PPM1H: variants seen among roughly 807,000 people sequenced by gnomAD.
The protein encoded by PPM1H is protein phosphatase, Mg2+/Mn2+ dependent 1H.
PPM1H carries 27 observed loss-of-function variants against 54.9 expected under a neutral mutation model. The observed-to-expected ratio is 0.49, with a 90% CI of 0.36 to 0.68. PPM1H has a LOEUF of 0.68. Ranked by LOEUF, PPM1H falls within the 30% of genes least tolerant of loss-of-function variation. The probability of loss-of-function intolerance (pLI) is 0.00; values close to 1 mark genes in which losing one functional copy is unlikely to be tolerated. For synonymous variants in PPM1H, 305 were observed against 270.8 expected (o/e 1.13, Z -1.24); for missense variants, 596 against 667.8 (o/e 0.89, Z 1.19).
intron 6 of PPM1H, among the ~76,000 whole-genome samples, chr12:62,694,624 G>A (rs2076103636): frequency 1.3e-5 from 2 of 152,320 alleles, no homozygotes; most frequent in East Asian, 3.9e-4. Context: ...AGGCGGGTAA[G>A]ATGAAAGGGA....
chr12:62,790,910 G>C (rs1416990922), intron 3 of PPM1H, among the ~76,000 whole-genome samples: 1 of 152,166 alleles, frequency 6.6e-6, no homozygotes, highest in Non-Finnish European at 1.5e-5. Flanking sequence ...AAATTAGCTG[G>C]CATGTGTGAG....
At chr12:62,673,625 T>C (rs2075968685) in intron 8 of PPM1H, among the ~76,000 whole-genome samples, 1 of 151,692 alleles carries the variant, frequency 6.6e-6, no homozygotes, top group African/African-American at 2.4e-5. Context: ...GGACTGGCTT[T>C]GTGGAAGAGA....
chr12:62,899,946 C>T (rs1344890364), intron 1 of PPM1H, among the ~76,000 whole-genome samples: 1 of 151,990 alleles, frequency 6.6e-6, no homozygotes, highest in Non-Finnish European at 1.5e-5. Context: ...ATAAAAGAGA[C>T]CCTAGAGAGC....
intron 9 of PPM1H, 75 bp downstream of exon 9, chr12:62,667,103 G>T: frequency 7.0e-7 from 1 of 1,428,572 alleles, no homozygotes; most frequent in Non-Finnish European, 9.6e-7. Flanking sequence ...TATGAAAATT[G>T]CATGATTATT....
chr12:62,668,397 G>A (rs1034866210), intron 8 of PPM1H, among the ~76,000 whole-genome samples: 8 of 152,076 alleles, frequency 5.3e-5, no homozygotes, highest in South Asian at 2.1e-4. Context: ...TAATTGAGAC[G>A]GAGTCTCTCA....
chr12:62,830,624 G>A (rs1488390500), intron 2 of PPM1H, among the ~76,000 whole-genome samples: 1 of 152,180 alleles, frequency 6.6e-6, no homozygotes, highest in Non-Finnish European at 1.5e-5. Flanking sequence ...AGTAGCTAAA[G>A]TGGTAGACTG....
intron 9 of PPM1H, among the ~76,000 whole-genome samples, chr12:62,654,341 T>C (rs1005511730): frequency 2.0e-5 from 3 of 150,128 alleles, no homozygotes; most frequent in African/African-American, 2.4e-5. Flanking sequence ...TTAACTATCA[T>C]ATGGCCTTCC....
At chr12:62,745,327 G>T (rs553710799) in intron 4 of PPM1H, among the ~76,000 whole-genome samples, 121 of 152,288 alleles carry the variant, frequency 7.9e-4, no homozygotes, top group Non-Finnish European at 1.2e-3. Flanking sequence ...CTCCCAAAGT[G>T]CTGGGATTAC....
At chr12:62,657,783 C>CTTGAA (rs2075853414) in intron 9 of PPM1H, among the ~76,000 whole-genome samples, 1 of 152,074 alleles carries the variant, frequency 6.6e-6, no homozygotes, top group East Asian at 1.9e-4. Flanking sequence ...GCATTTAATA[C>CTTGAA]TTGAATTAAC....
intron 9 of PPM1H, among the ~76,000 whole-genome samples, chr12:62,660,744 A>C (rs2075878106): frequency 6.6e-6 from 1 of 152,220 alleles, no homozygotes; most frequent in Admixed American, 6.5e-5. Context: ...AAACTACTAG[A>C]AGAAAACACT....
chr12:62,770,994 T>C (rs2076575700), intron 4 of PPM1H, among the ~76,000 whole-genome samples: 1 of 150,534 alleles, frequency 6.6e-6, no homozygotes, highest in Non-Finnish European at 1.5e-5. Context: ...CTGAGCTCCC[T>C]AGGAATAGTG....
intron 2 of PPM1H, among the ~76,000 whole-genome samples, chr12:62,815,233 GA>G (rs964265192): frequency 3.3e-5 from 5 of 151,802 alleles, no homozygotes; most frequent in Non-Finnish European, 7.4e-5. Flanking sequence ...TGCAGTGGAG[GA>G]AAAAAATCCC....
At chr12:62,720,648 A>T (rs2076258477) in intron 5 of PPM1H, 2 of 210,508 alleles carry the variant, frequency 9.5e-6, no homozygotes, top group Non-Finnish European at 1.9e-5. Context: ...GGTCTTTTCC[A>T]CACTCATCTC....
Position 62,882,115 on chromosome 12 carries a change from T to C in PPM1H, c.246-49836A>G, listed in dbSNP as rs533249199. ...TACTAATAAATAAAATGAAAGTAAA[T>C]CTATACATATGCAAAAGATGAGGGA... On this transcript the variant is annotated intron_variant, in intron 1 of 9. Coordinates refer to ENST00000228705, the MANE Select transcript of PPM1H (RefSeq NM_020700.2). 7.9e-5 allele frequency among the ~76,000 whole-genome samples: 12 copies of C among 152,276 alleles called. No homozygotes were observed. In the South Asian group the frequency reaches 1.9e-3, roughly 24 times the overall value.
intron 6 of PPM1H, among the ~76,000 whole-genome samples, chr12:62,717,068 G>A (rs1592560060): frequency 6.6e-6 from 1 of 152,138 alleles, no homozygotes; most frequent in Non-Finnish European, 1.5e-5. Context: ...CGAATTCCTG[G>A]ACTCAACTGA....
chr12:62,686,731 C>T (rs1249860466), intron 8 of PPM1H, among the ~76,000 whole-genome samples: 3 of 152,162 alleles, frequency 2.0e-5, no homozygotes, highest in Non-Finnish European at 4.4e-5. Context: ...TTATTTCTAC[C>T]GAGCTGACCT....
At chr12:62,664,982 T>C (rs2075908587) in intron 9 of PPM1H, among the ~76,000 whole-genome samples, 1 of 146,684 alleles carries the variant, frequency 6.8e-6, no homozygotes, top group Non-Finnish European at 1.5e-5. Flanking sequence ...AATGTCTTCT[T>C]TTTTTTTTTT....
chr12:62,820,299 T>C (rs559446776), intron 2 of PPM1H, among the ~76,000 whole-genome samples: 5 of 152,348 alleles, frequency 3.3e-5, no homozygotes, highest in African/African-American at 1.2e-4. Context: ...GCCTGCTGCC[T>C]CTGTAGACCC....
rs61003358 is a variant in PPM1H, at chr12:62,932,628, C to CTTT, written c.245+1861_245+1863dup. ...CTGTCTCGTAAAGGGTCCAAATGGGCTTTTTTTTTTTTTTTTTTTTTTTGA... is the reference window on the plus strand; with the variant it reads ...CTGTCTCGTAAAGGGTCCAAATGGGCTTTTTTTTTTTTTTTTTTTTTTTTTTGA... On this transcript the variant is annotated intron_variant, in intron 1 of 9. Transcript: ENST00000228705. 8.2e-3 allele frequency among the ~76,000 whole-genome samples: 444 copies of CTTT among 53,966 alleles called. 81 individuals carry two copies. The highest frequency in any genetic ancestry group is 0.019 in the East Asian group (33 of 1,754). The allele number at this position is 53,966 out of a possible 152,430, so 35.4% of individuals were successfully genotyped here.
Sources: allele counts gnomAD v4.1 joint callset (sites outside exome capture counted in the v4.1 genomes callset), GRCh38; gene constraint gnomAD v4.1.1; transcripts MANE v1.5; gene names NCBI Gene and HGNC (gene_info 2026-07-23, HGNC 2026-07-21).